ERCC6L2: variants seen among roughly 807,000 people sequenced by gnomAD.
ERCC6L2 encodes ERCC excision repair 6 like 2.
Under a neutral mutation model 132.0 loss-of-function variants are expected in ERCC6L2, and 77 were observed. The ratio of observed to expected loss-of-function variants is 0.58; its 90% CI spans 0.49 to 0.71. The LOEUF (loss-of-function observed/expected upper bound fraction) is 0.71, where lower values mean the gene tolerates loss of function less well. Among genes scored for constraint, ERCC6L2 ranks in the 30% least tolerant of loss-of-function variants. ERCC6L2 has a pLI of 0.00. For synonymous variants in ERCC6L2, 583 were observed against 632.4 expected, an observed-to-expected ratio of 0.92 and a Z score of 1.17; for missense variants, 1,542 against 1,837.6, an observed-to-expected ratio of 0.84 and a Z score of 2.94.
At chr9:95,958,846 A>G (rs942483447) in intron 13 of ERCC6L2, among the ~76,000 whole-genome samples, 5 of 152,088 alleles carry the variant, frequency 3.3e-5, no homozygotes, top group Non-Finnish European at 7.4e-5. Context: ...CTTCAAGGAG[A>G]ACTGCAAACC....
At chr9:95,936,317 A>G (rs935232063) in intron 11 of ERCC6L2, among the ~76,000 whole-genome samples, 3 of 152,180 alleles carry the variant, frequency 2.0e-5, no homozygotes, top group African/African-American at 7.2e-5. Context: ...GATGTAGCTC[A>G]TTATAAAATT....
rs776723582 is a variant in ERCC6L2 at position 95,880,943 on chromosome 9, T to G, written c.121T>G (p.Ser41Ala). 5.6e-6 allele frequency: 9 copies of G among 1,613,982 alleles called. No individual in the cohort carries two copies. The South Asian group carries it at 9.9e-5, about 18-fold the overall frequency. Residue 41 changes from serine to alanine, a missense_variant, in exon 2 of 19, where the codon TCT becomes GCT. Ser to Ala is a moderately conservative substitution (Grantham distance 99). Coordinates refer to ENST00000653738, the MANE Select transcript of ERCC6L2 (RefSeq NM_020207.7). The part of the protein sequence containing the change: ...NGKLCEASIK[S>A]ITVDENGKSF... ...AAAACTTTGTGAAGCAAGCATAAAATCTATCACAGTGGATGAAAATGGCAA... is the reference window on the plus strand; with the variant it reads ...AAAACTTTGTGAAGCAAGCATAAAAGCTATCACAGTGGATGAAAATGGCAA...
chr9:95,981,053 A>C (rs1832872577), intron 17 of ERCC6L2, among the ~76,000 whole-genome samples: 1 of 152,192 alleles, frequency 6.6e-6, no homozygotes, highest in South Asian at 2.1e-4. Flanking sequence ...CAGTAAGAAA[A>C]TAAATCCTAT....
At chr9:96,022,795 G>A (rs548876918), downstream of ERCC6L2, among the ~76,000 whole-genome samples, 1 of 152,258 alleles carries the variant, frequency 6.6e-6, no homozygotes, top group Non-Finnish European at 1.5e-5. Flanking sequence ...GGGCAAGATG[G>A]AGCAGTCTCC....
At chr9:95,903,888 A>G (rs991567370) in intron 3 of ERCC6L2, among the ~76,000 whole-genome samples, 1 of 152,060 alleles carries the variant, frequency 6.6e-6, no homozygotes, top group Non-Finnish European at 1.5e-5. Context: ...TATCTCTACA[A>G]TCTTAACTCT....
At chr9:95,989,137 G>T (rs1263287431) in intron 17 of ERCC6L2, among the ~76,000 whole-genome samples, 1 of 152,178 alleles carries the variant, frequency 6.6e-6, no homozygotes, top group Admixed American at 6.5e-5. Flanking sequence ...GATGCTCTCA[G>T]AATCCAGTAC....
In ERCC6L2 at chr9:96,015,272, C is replaced by T. The variant is rs1271246735; in HGVS notation, c.*2069C>T. On this transcript the variant is annotated 3_prime_UTR_variant, in exon 19 of 19. Transcript: ENST00000653738. ...CTCGATCTTGGCTCACTGCAGCCTC[C>T]GCCCCCCGAGTCAAGCAATTCTCCT... Among the ~76,000 whole-genome samples the T allele has an allele frequency of 3.3e-5, 5 of 150,518 alleles. No homozygotes were observed. The highest frequency in any genetic ancestry group is 2.1e-4 in the South Asian group (1 of 4,780).
chr9:95,915,930 G>C, intron 5 of ERCC6L2, 101 bp downstream of exon 5: 2 of 1,236,628 alleles, frequency 1.6e-6, no homozygotes, highest in Non-Finnish European at 2.2e-6. Flanking sequence ...ACAGTCATTT[G>C]TCTGGTTTTA....
intron 19 of ERCC6L2, among the ~76,000 whole-genome samples, chr9:96,034,957 A>G (rs1834502656): frequency 1.3e-5 from 2 of 152,036 alleles, no homozygotes. Context: ...TGGCTAGGGG[A>G]GAGCTCCCTG....
intron 19 of ERCC6L2, among the ~76,000 whole-genome samples, chr9:96,035,066 C>T (rs78432229): frequency 0.033 from 5,018 of 152,234 alleles, 118 homozygotes; most frequent in East Asian, 0.15. Flanking sequence ...CTCTACCACA[C>T]CCCCCATCCC....
intron 3 of ERCC6L2, among the ~76,000 whole-genome samples, chr9:95,901,873 CT>C (rs1425125321): frequency 6.6e-6 from 1 of 152,140 alleles, no homozygotes; most frequent in Non-Finnish European, 1.5e-5. Context: ...AAAATTATAA[CT>C]TTGAAAGTTT....
At position 95,972,784 on chromosome 9, in the gene ERCC6L2, A is replaced by G; in HGVS notation, c.3033A>G (p.Lys1011=). The G allele has an allele frequency of 7.7e-7, 1 of 1,304,162 alleles. No homozygotes were observed. The highest frequency in any genetic ancestry group is 1.2e-5 in the South Asian group (1 of 80,930). The allele number at this position is 1,304,162 out of a possible 1,614,324, so 80.8% of individuals were successfully genotyped here. ...TTAAGAGAATAAAAGAAACCAAAAA[A>G]GAACTTCACAATTCTCCCAAAACAA... ...LRFKRIKETK[K]ELHNSPKTMN... Residue 1011 remains lysine, a synonymous_variant, in exon 16 of 19, where the codon AAA becomes AAG. Transcript: ENST00000653738.
intron 17 of ERCC6L2, among the ~76,000 whole-genome samples, chr9:95,983,743 G>A (rs1196045218): frequency 1.3e-5 from 2 of 152,170 alleles, no homozygotes; most frequent in African/African-American, 2.4e-5. Flanking sequence ...AGGAATTACA[G>A]TATTTCAGAA....
chr9:95,990,879 C>T (rs868491554), intron 17 of ERCC6L2, among the ~76,000 whole-genome samples: 10 of 152,136 alleles, frequency 6.6e-5, no homozygotes, highest in African/African-American at 1.9e-4. Flanking sequence ...GTCATATGAA[C>T]TGTTTGAAAG....
intron 2 of ERCC6L2, among the ~76,000 whole-genome samples, chr9:95,886,107 C>T (rs1016341305): frequency 5.3e-5 from 8 of 152,062 alleles, no homozygotes; most frequent in East Asian, 1.9e-4. Context: ...AGTCCACCTC[C>T]GGGGCCCAAG....
chr9:96,035,915 G>C (rs1834513185), intron 19 of ERCC6L2, among the ~76,000 whole-genome samples: 1 of 152,224 alleles, frequency 6.6e-6, no homozygotes, highest in Admixed American at 6.5e-5. Context: ...GGAAGCATCT[G>C]TGATGTGCAG....
chr9:95,914,597 C>G (rs1449860504), intron 4 of ERCC6L2, among the ~76,000 whole-genome samples: 2 of 152,134 alleles, frequency 1.3e-5, no homozygotes, highest in African/African-American at 2.4e-5. Context: ...CGTGATCCAC[C>G]CGCCTCAGCC....
intron 2 of ERCC6L2, among the ~76,000 whole-genome samples, chr9:95,885,450 T>C (rs1374515218): frequency 1.3e-5 from 2 of 152,186 alleles, no homozygotes; most frequent in Non-Finnish European, 2.9e-5. Context: ...TTGGTTTTAG[T>C]GGGACTGAAA....
chr9:95,989,658 A>G (rs1019637160), intron 17 of ERCC6L2, among the ~76,000 whole-genome samples: 2 of 152,192 alleles, frequency 1.3e-5, no homozygotes, highest in Non-Finnish European at 2.9e-5. Context: ...AGGGGGCCCT[A>G]CCTGTTCAAA....
Sources: gnomAD v4.1 joint callset for allele counts (sites outside exome capture counted in the v4.1 genomes callset) on GRCh38, gnomAD v4.1.1 for gene constraint, MANE v1.5 for transcripts, NCBI Gene and HGNC (gene_info 2026-07-23, HGNC 2026-07-21) for gene names.